The following LUZP2 variants were observed in gnomAD, a reference collection of about 807,000 sequenced individuals.
The protein encoded by LUZP2 is leucine zipper protein 2.
Under a neutral mutation model 51.6 loss-of-function variants are expected in LUZP2, and 52 were observed. The observed-to-expected ratio is 1.01, with a 90% CI of 0.81 to 1.27. The LOEUF is 1.27. LUZP2 is among the 50% of genes most tolerant of loss of function. The probability of loss-of-function intolerance (pLI) is 0.00; values close to 1 mark genes in which losing one functional copy is unlikely to be tolerated. For missense variants in LUZP2, 436 were observed against 395.4 expected (o/e 1.10, Z -0.87); for synonymous variants, 154 against 137.3 (o/e 1.12, Z -0.85).
At chr11:24,875,578 T>C (rs952411097) in intron 5 of LUZP2, among the ~76,000 whole-genome samples, 2 of 149,430 alleles carry the variant, frequency 1.3e-5, no homozygotes, top group Admixed American at 1.3e-4. Flanking sequence ...TGCATGTGTT[T>C]TTATAGCAGC....
intron 5 of LUZP2, among the ~76,000 whole-genome samples, chr11:24,811,849 G>C (rs956179104): frequency 6.6e-6 from 1 of 152,226 alleles, no homozygotes; most frequent in Non-Finnish European, 1.5e-5. Flanking sequence ...AAACAGAGAA[G>C]AAATCCAAGG....
intron 5 of LUZP2, among the ~76,000 whole-genome samples, chr11:24,783,515 C>G (rs1309558411): frequency 6.6e-6 from 1 of 151,798 alleles, no homozygotes; most frequent in Non-Finnish European, 1.5e-5. Flanking sequence ...CTGTTTCTTC[C>G]AAGTAAGGTT....
At chr11:24,741,831 T>G (rs1859154808) in intron 4 of LUZP2, among the ~76,000 whole-genome samples, 2 of 140,350 alleles carry the variant, frequency 1.4e-5, no homozygotes, top group Non-Finnish European at 1.5e-5. Context: ...AGATATATAT[T>G]TATATATATT....
At position 24,994,374 on chromosome 11, in the gene LUZP2, A is replaced by G. The variant is rs575480258; in HGVS notation, c.765+11081A>G. Among the ~76,000 whole-genome samples the G allele has an allele frequency of 2.0e-5, 3 of 152,276 alleles. No individual in the cohort carries two copies. The South Asian group carries it at 6.2e-4, about 32-fold the overall frequency. On this transcript the variant is annotated intron_variant, in intron 9 of 11. Transcript: ENST00000336930. Reference sequence around the variant, plus strand: ...GCATGTGGCATCTTGTTGTTTAAACACCATTTGTTGAAAAGACTTGTTTTA... The same window carrying G: ...GCATGTGGCATCTTGTTGTTTAAACGCCATTTGTTGAAAAGACTTGTTTTA...
chr11:24,816,867 T>G (rs1391040945), intron 5 of LUZP2, among the ~76,000 whole-genome samples: 1 of 152,058 alleles, frequency 6.6e-6, no homozygotes. Context: ...GGGCGGTATA[T>G]TTGAGACTTT....
chr11:24,502,654 G>A (rs1468223749), intron 1 of LUZP2, among the ~76,000 whole-genome samples: 1 of 152,086 alleles, frequency 6.6e-6, no homozygotes, highest in African/African-American at 2.4e-5. Context: ...CCAAAGTGCT[G>A]GGATTACAGG....
chr11:24,882,368 A>T (rs1375050830), intron 5 of LUZP2, among the ~76,000 whole-genome samples: 1 of 145,074 alleles, frequency 6.9e-6, no homozygotes, highest in East Asian at 2.0e-4. Context: ...TTTCTCTCAC[A>T]CACTCACATC....
At chr11:24,775,493 A>G (rs1848889763) in intron 5 of LUZP2, among the ~76,000 whole-genome samples, 1 of 152,184 alleles carries the variant, frequency 6.6e-6, no homozygotes, top group Non-Finnish European at 1.5e-5. Context: ...CTCTTAGCTG[A>G]TACGTCAGCC....
At chr11:24,839,639 A>G (rs1850962558) in intron 5 of LUZP2, among the ~76,000 whole-genome samples, 1 of 151,722 alleles carries the variant, frequency 6.6e-6, no homozygotes, top group African/African-American at 2.4e-5. Flanking sequence ...CTGATGACTT[A>G]TCTCTTCATG....
chr11:25,044,490 G>A lies in LUZP2; in HGVS notation c.766-5548G>A, dbSNP rs181462237. Among the ~76,000 whole-genome samples the A allele has an allele frequency of 4.9e-3, 743 of 151,882 alleles. 9 individuals are homozygous for A. The highest frequency in any genetic ancestry group is 4.4e-3 in the Non-Finnish European group (300 of 67,940). On this transcript the variant is annotated intron_variant, in intron 9 of 11. Coordinates refer to ENST00000336930, the MANE Select transcript of LUZP2 (RefSeq NM_001009909.4). ...AGGATGACATTTATTGTTTTTGAAA[G>A]CAAGCAGTTCATTAATTAAATATTA...
chr11:24,856,985 T>G (rs72872473), intron 5 of LUZP2, among the ~76,000 whole-genome samples: 18,576 of 151,826 alleles, frequency 0.12, 1,596 homozygotes, highest in East Asian at 0.34. Flanking sequence ...ACTTAGTGGT[T>G]ACAACATTCA....
Position 24,831,037 on chromosome 11 carries a change from G to A in LUZP2, c.396+67729G>A, listed in dbSNP as rs569575087. ...AATTAAAATAAAATAAAAAGAAGAA[G>A]AAGCAAGGCTAAGAGTCAAACTCAA... is the stretch of plus-strand genomic sequence containing the variant. On this transcript the variant is annotated intron_variant, in intron 5 of 11. Coordinates refer to ENST00000336930, the MANE Select transcript of LUZP2 (RefSeq NM_001009909.4). Among the ~76,000 whole-genome samples the A allele has an allele frequency of 2.9e-4, 44 of 151,846 alleles. No individual in the cohort carries two copies. In the East Asian group the frequency reaches 6.4e-3, roughly 22 times the overall value.
intron 1 of LUZP2, among the ~76,000 whole-genome samples, chr11:24,602,156 A>G (rs12807503): frequency 0.023 from 2,826 of 122,222 alleles, 213 homozygotes; most frequent in East Asian, 0.12. Flanking sequence ...ATATGTATAT[A>G]TGTATATATG....
intron 7 of LUZP2, among the ~76,000 whole-genome samples, chr11:24,952,336 T>C (rs879602944): frequency 3.3e-5 from 5 of 151,790 alleles, no homozygotes; most frequent in Non-Finnish European, 7.4e-5. Context: ...CAGGCACCTA[T>C]ATAATTTATT....
chr11:24,951,636 A>G (rs1374908746), intron 7 of LUZP2, among the ~76,000 whole-genome samples: 1 of 150,540 alleles, frequency 6.6e-6, no homozygotes, highest in Non-Finnish European at 1.5e-5. Flanking sequence ...CAAGTAAAAT[A>G]TATTTAAACA....
intron 7 of LUZP2, among the ~76,000 whole-genome samples, chr11:24,917,395 A>G (rs1306845708): frequency 2.0e-5 from 3 of 152,158 alleles, no homozygotes; most frequent in African/African-American, 7.2e-5. Flanking sequence ...TGTTTTAGAC[A>G]TGAAGTCCTT....
chr11:24,927,830 T>G (rs1252127037), intron 7 of LUZP2, among the ~76,000 whole-genome samples: 2 of 152,146 alleles, frequency 1.3e-5, no homozygotes, highest in Non-Finnish European at 2.9e-5. Context: ...CTTTTGGTGG[T>G]ATGGTCATTA....
chr11:24,898,226 C>T (rs923539339), intron 5 of LUZP2, among the ~76,000 whole-genome samples: 7 of 146,480 alleles, frequency 4.8e-5, no homozygotes, highest in Non-Finnish European at 6.0e-5. Context: ...CTAAGACATC[C>T]AGTTTATGAG....
chr11:24,603,404 C>G (rs193205419), intron 1 of LUZP2, among the ~76,000 whole-genome samples: 1 of 151,780 alleles, frequency 6.6e-6, no homozygotes, highest in Non-Finnish European at 1.5e-5. Context: ...TTTATGTAAG[C>G]CTTCCAGATG....
Sources: gnomAD v4.1 joint callset for allele counts (sites outside exome capture counted in the v4.1 genomes callset) on GRCh38, gnomAD v4.1.1 for gene constraint, MANE v1.5 for transcripts, NCBI Gene and HGNC (gene_info 2026-07-23, HGNC 2026-07-21) for gene names.